NREP: variants seen among roughly 807,000 people sequenced by gnomAD.
NREP encodes neuronal regeneration-related protein.
NREP carries 5 observed loss-of-function variants against 8.6 expected under a neutral mutation model. That is an observed-to-expected ratio of 0.58 (90% CI 0.30 to 1.22). NREP has a LOEUF of 1.22. NREP is among the 50% of genes most tolerant of loss of function. The pLI is 0.07. For missense variants in NREP, 86 were observed against 82.5 expected (o/e 1.04, Z -0.17); for synonymous variants, 27 against 28.0 (o/e 0.96, Z 0.11).
chr5:111,915,219 G>C (rs374204804), intron 2 of NREP, among the ~76,000 whole-genome samples: 11 of 152,032 alleles, frequency 7.2e-5, no homozygotes, highest in African/African-American at 2.4e-4. Context: ...ATGATTGATG[G>C]TGAAAGACAA....
intron 2 of NREP, among the ~76,000 whole-genome samples, chr5:111,781,976 C>T (rs538333222): frequency 1.3e-5 from 2 of 152,250 alleles, no homozygotes; most frequent in African/African-American, 4.8e-5. Flanking sequence ...TCAGTTTCTT[C>T]ATTTGTAAAA....
intron 2 of NREP, among the ~76,000 whole-genome samples, chr5:111,907,711 T>C (rs1754812004): frequency 6.6e-6 from 1 of 152,066 alleles, no homozygotes; most frequent in Non-Finnish European, 1.5e-5. Context: ...CTGCTGTTCC[T>C]AACCCTCAAG....
intron 2 of NREP, among the ~76,000 whole-genome samples, chr5:111,881,207 C>G (rs187837132): frequency 6.7e-6 from 1 of 149,986 alleles, no homozygotes; most frequent in Non-Finnish European, 1.5e-5. Context: ...CCTACACCCA[C>G]GGAGTCTCCC....
chr5:111,793,379 G>C (rs930866174), intron 2 of NREP, among the ~76,000 whole-genome samples: 10 of 152,126 alleles, frequency 6.6e-5, no homozygotes, highest in African/African-American at 2.4e-4. Flanking sequence ...GAGTGATAAG[G>C]TGTGAGTCCT....
intron 2 of NREP, among the ~76,000 whole-genome samples, chr5:111,926,347 C>T (rs1180183486): frequency 6.6e-6 from 1 of 152,030 alleles, no homozygotes; most frequent in Non-Finnish European, 1.5e-5. Flanking sequence ...AATTTGTTTT[C>T]TTAGCTTTGG....
chr5:111,858,109 G>A (rs550200913), intron 2 of NREP, among the ~76,000 whole-genome samples: 10 of 152,208 alleles, frequency 6.6e-5, no homozygotes, highest in East Asian at 1.9e-4. Context: ...CATCATCAAC[G>A]TTGCCGGGAA....
In NREP at chr5:111,975,306, G is replaced by A. The variant is rs947650594; in HGVS notation, c.103C>T (p.Gln35Ter). The A allele has an allele frequency of 9.0e-6, 14 of 1,551,368 alleles. No homozygotes were observed. Among genetic ancestry groups the A allele is most frequent in the African/African-American group, 1.4e-5 (1 of 73,010 alleles). Residue 35 changes from glutamine (Q) to a stop codon, truncating the protein, a stop_gained, in exon 2 of 4, where the codon CAG (glutamine) becomes TAG (stop). Transcript: ENST00000395634. LOFTEE classifies it high-confidence loss of function. Reference sequence around the variant, plus strand: ...AGAACAGAAATCTGGCAGTGAACCTGGAAACATTTGGAACAAGGGACTCTG... The same window carrying A: ...AGAACAGAAATCTGGCAGTGAACCTAGAAACATTTGGAACAAGGGACTCTG...
intron 2 of NREP, among the ~76,000 whole-genome samples, chr5:111,887,656 T>C (rs1283112242): frequency 6.6e-6 from 1 of 152,212 alleles, no homozygotes; most frequent in African/African-American, 2.4e-5. Context: ...TGCTGGCATC[T>C]GGGATTTGCT....
At chr5:111,761,198 G>T (rs1265229725), upstream of NREP, among the ~76,000 whole-genome samples, 1 of 152,220 alleles carries the variant, frequency 6.6e-6, no homozygotes, top group Non-Finnish European at 1.5e-5. Context: ...TACATATACA[G>T]TAGCAATAGG....
upstream of NREP, among the ~76,000 whole-genome samples, chr5:111,761,891 A>T (rs1392761606): frequency 1.3e-5 from 2 of 152,234 alleles, no homozygotes; most frequent in Non-Finnish European, 2.9e-5. Flanking sequence ...TGTGAATGCT[A>T]TTCTTAAAGT....
chr5:111,864,681 T>A (rs1753626899), intron 2 of NREP, among the ~76,000 whole-genome samples: 2 of 152,086 alleles, frequency 1.3e-5, no homozygotes, highest in Non-Finnish European at 2.9e-5. Context: ...GTCCAAATGG[T>A]TGCCTGAGAG....
intron 2 of NREP, among the ~76,000 whole-genome samples, chr5:111,896,531 A>T (rs1754515304): frequency 6.6e-6 from 1 of 152,208 alleles, no homozygotes; most frequent in South Asian, 2.1e-4. Flanking sequence ...TATAAAAACG[A>T]CTAATATCCA....
At chr5:111,921,113 C>A (rs1755226590) in intron 2 of NREP, among the ~76,000 whole-genome samples, 1 of 152,114 alleles carries the variant, frequency 6.6e-6, no homozygotes. Context: ...AGGACCCTTG[C>A]CTTAACTATC....
intron 2 of NREP, among the ~76,000 whole-genome samples, chr5:111,809,409 T>C (rs1752217214): frequency 6.6e-6 from 1 of 152,234 alleles, no homozygotes; most frequent in Non-Finnish European, 1.5e-5. Flanking sequence ...TGAAATTTGA[T>C]CTCTAATGTG....
rs950646224 is a variant in NREP, at chr5:111,807,113, T to C, written c.136-71606A>G. 2.6e-5 allele frequency among the ~76,000 whole-genome samples: 4 copies of C among 152,086 alleles called. No individual in the cohort carries two copies. In the South Asian group the frequency reaches 8.3e-4, roughly 32 times the overall value. ...GTAAGATAATTAAACCTAATTTATC[T>C]TAAAAACAAAAAAACAAAAAAAAAA... On this transcript the variant is annotated intron_variant, in intron 2 of 3. Transcript: ENST00000395634.
At chr5:111,779,121 C>T (rs1751431327) in intron 2 of NREP, among the ~76,000 whole-genome samples, 1 of 152,048 alleles carries the variant, frequency 6.6e-6, no homozygotes, top group African/African-American at 2.4e-5. Flanking sequence ...AAAATACATT[C>T]CTATTTTTCT....
chr5:111,899,391 G>A (rs571504761), intron 2 of NREP, among the ~76,000 whole-genome samples: 45 of 152,244 alleles, frequency 3.0e-4, no homozygotes, highest in Non-Finnish European at 5.9e-4. Flanking sequence ...GTGTTTTCCT[G>A]TAGTACTAGC....
chr5:111,846,179 A>G (rs1753158714), intron 2 of NREP: 1 of 181,504 alleles, frequency 5.5e-6, no homozygotes, highest in Non-Finnish European at 1.1e-5. Flanking sequence ...ATGCTTCTAG[A>G]ACTACTAAAA....
chr5:111,758,191 C>CGG (rs1382599835), upstream of NREP: 1 of 985,478 alleles, frequency 1.0e-6, no homozygotes, highest in East Asian at 1.1e-4. Flanking sequence ...CCCTGAAGGC[C>CGG]GGGCCCAGAG....
Sources: gnomAD v4.1 joint callset for allele counts (sites outside exome capture counted in the v4.1 genomes callset) on GRCh38, gnomAD v4.1.1 for gene constraint, MANE v1.5 for transcripts, NCBI Gene and HGNC (gene_info 2026-07-23, HGNC 2026-07-21) for gene names.